The following PCDH15 variants were observed in gnomAD, a reference collection of about 807,000 sequenced individuals.
The protein encoded by PCDH15 is protocadherin related 15, also known as protocadherin-15.
PCDH15 carries 129 observed loss-of-function variants against 178.5 expected under a neutral mutation model. The observed-to-expected ratio is 0.72, with a 90% confidence interval of 0.63 to 0.84. PCDH15 has a LOEUF of 0.84. PCDH15 is among the 40% of genes least tolerant of loss of function. The pLI, the probability that PCDH15 is intolerant of heterozygous loss-of-function variation, is 0.00. For missense variants in PCDH15, 2,230 were observed against 2,099.9 expected, an observed-to-expected ratio of 1.06 and a Z score of -1.21; for synonymous variants, 800 against 732.0, an observed-to-expected ratio of 1.09 and a Z score of -1.50.
chr10:53,879,271 C>A (rs1157549101), intron 26 of PCDH15, among the ~76,000 whole-genome samples: 1 of 152,128 alleles, frequency 6.6e-6, no homozygotes, highest in African/African-American at 2.4e-5. Context: ...AAGAATAAAT[C>A]TGCCACTGAG....
intron 2 of PCDH15, among the ~76,000 whole-genome samples, chr10:54,622,783 A>T (rs1194060187): frequency 1.8e-4 from 13 of 70,524 alleles, no homozygotes; most frequent in Non-Finnish European, 3.9e-4. Flanking sequence ...TTCCCACTAC[A>T]GTGGGAAAAA....
intron 1 of PCDH15, among the ~76,000 whole-genome samples, chr10:54,699,888 G>C (rs978879967): frequency 6.6e-6 from 1 of 151,878 alleles, no homozygotes; most frequent in African/African-American, 2.4e-5. Context: ...GAAAACAAAT[G>C]GACAAAATGA....
chr10:54,347,325 C>T (rs1414309572), intron 5 of PCDH15, among the ~76,000 whole-genome samples: 2 of 152,044 alleles, frequency 1.3e-5, no homozygotes, highest in African/African-American at 4.8e-5. Flanking sequence ...TTCTCCCATA[C>T]CACCCCTCAA....
chr10:55,390,873 A>C (rs1411301702), intron 2 of PCDH15, among the ~76,000 whole-genome samples: 1 of 152,208 alleles, frequency 6.6e-6, no homozygotes, highest in Non-Finnish European at 1.5e-5. Context: ...TTGTGAAAAC[A>C]GATGTACAAT....
chr10:54,272,739 C>G (rs1591526285), intron 8 of PCDH15, among the ~76,000 whole-genome samples: 2 of 152,098 alleles, frequency 1.3e-5, no homozygotes, highest in East Asian at 3.8e-4. Context: ...GACTGTCTTA[C>G]AGTGCATAGG....
chr10:53,823,394 C>A, intron 32 of PCDH15: 1 of 1,568,936 alleles, frequency 6.4e-7, no homozygotes. Context: ...TGTAAGGAAA[C>A]AAGTTGTGAC....
chr10:54,460,732 G>A (rs1362101487), intron 3 of PCDH15, among the ~76,000 whole-genome samples: 1 of 152,014 alleles, frequency 6.6e-6, no homozygotes, highest in Non-Finnish European at 1.5e-5. Context: ...GACAATGGTG[G>A]CATTTAATGA....
chr10:54,416,434 G>A (rs1020193187), intron 3 of PCDH15, among the ~76,000 whole-genome samples: 27 of 152,060 alleles, frequency 1.8e-4, no homozygotes, highest in Non-Finnish European at 5.9e-5. Flanking sequence ...CTTCATCCAT[G>A]TCCCTGCAAA....
At chr10:54,047,592 C>G (rs1409680073) in intron 18 of PCDH15, among the ~76,000 whole-genome samples, 7 of 151,778 alleles carry the variant, frequency 4.6e-5, no homozygotes. Flanking sequence ...CTAGTAGTCC[C>G]TAGTGTTTAT....
chr10:54,501,736 T>C (rs866094696), intron 3 of PCDH15, among the ~76,000 whole-genome samples: 1 of 152,122 alleles, frequency 6.6e-6, no homozygotes, highest in Non-Finnish European at 1.5e-5. Context: ...TTGATGTGTA[T>C]AATTCTCCAT....
At chr10:54,256,743 T>G (rs2056925832) in intron 8 of PCDH15, among the ~76,000 whole-genome samples, 1 of 152,246 alleles carries the variant, frequency 6.6e-6, no homozygotes, top group South Asian at 2.1e-4. Flanking sequence ...CTTTTCCAGG[T>G]TTTTCATTGG....
intron 3 of PCDH15, among the ~76,000 whole-genome samples, chr10:54,817,624 C>T (rs1463432517): frequency 1.3e-5 from 2 of 151,954 alleles, no homozygotes; most frequent in African/African-American, 4.8e-5. Flanking sequence ...GAGAAATTCA[C>T]AGTAATTTCA....
intron 9 of PCDH15, among the ~76,000 whole-genome samples, chr10:54,235,915 AC>A (rs1237938736): frequency 2.9e-4 from 44 of 152,232 alleles, no homozygotes; most frequent in African/African-American, 9.9e-4. Flanking sequence ...CTTTATAAAG[AC>A]CAAAGGCTTG....
chr10:55,516,858 G>A (rs79967983), intron 2 of PCDH15, among the ~76,000 whole-genome samples: 6,485 of 151,984 alleles, frequency 0.043, 363 homozygotes, highest in East Asian at 0.27. Flanking sequence ...GATCACATGG[G>A]CTGTGTATTT....
chr10:55,620,104 A>C (rs1261058793), intron 2 of PCDH15, among the ~76,000 whole-genome samples: 7 of 152,036 alleles, frequency 4.6e-5, no homozygotes, highest in Non-Finnish European at 1.0e-4. Flanking sequence ...GTTTCACCAA[A>C]TTTAACCCGT....
In PCDH15 at chr10:55,044,308, T is replaced by C. The variant is rs139207900; in HGVS notation, c.-80+122268A>G. Among the ~76,000 whole-genome samples the C allele has an allele frequency of 8.5e-3, 1,300 of 152,268 alleles. 55 individuals are homozygous for C. Among genetic ancestry groups the C allele is most frequent in the Admixed American group, 0.073 (1,121 of 15,258 alleles). On this transcript the variant is annotated intron_variant, in intron 2 of 5. Coordinates refer to the PCDH15 transcript ENST00000458638. Reference sequence around the variant, plus strand: ...CAAATCTATTCTGTGTATGCAGTTATGTCACAAAAGTAAACATAACTTTCA... The same window carrying C: ...CAAATCTATTCTGTGTATGCAGTTACGTCACAAAAGTAAACATAACTTTCA...
chr10:55,058,292 C>A (rs1279819581), intron 2 of PCDH15, among the ~76,000 whole-genome samples: 3 of 152,070 alleles, frequency 2.0e-5, no homozygotes, highest in African/African-American at 7.2e-5. Flanking sequence ...CATGCTCTAA[C>A]CTCCACCTCC....
chr10:55,081,564 G>A lies in PCDH15; in HGVS notation c.-80+85012C>T, dbSNP rs115400294. 3.0e-3 allele frequency among the ~76,000 whole-genome samples: 457 copies of A among 152,298 alleles called. 3 individuals carry two copies. Among genetic ancestry groups the A allele is most frequent in the African/African-American group, 0.011 (446 of 41,582 alleles). ...GTTAGGAGGCAAGGCCTTTGGAAAT[G>A]ATTAGGTCATGATGCCGGAGCCCTC... On this transcript the variant is annotated intron_variant, in intron 2 of 5. Coordinates refer to the PCDH15 transcript ENST00000458638.
At chr10:54,908,792 A>G (rs1431736897) in intron 2 of PCDH15, among the ~76,000 whole-genome samples, 1 of 151,680 alleles carries the variant, frequency 6.6e-6, no homozygotes, top group Non-Finnish European at 1.5e-5. Flanking sequence ...ATGGGTGTTC[A>G]GCTCTCAGCA....
Sources: gnomAD v4.1 joint callset for allele counts (sites outside exome capture counted in the v4.1 genomes callset) on GRCh38, gnomAD v4.1.1 for gene constraint, MANE v1.5 for transcripts, NCBI Gene and HGNC (gene_info 2026-07-23, HGNC 2026-07-21) for gene names.